TRPC4: variants seen among roughly 807,000 people sequenced by gnomAD.
TRPC4 encodes transient receptor potential cation channel subfamily C member 4, also known as short transient receptor potential channel 4.
A neutral mutation model predicts 99.4 loss-of-function variants in TRPC4; 49 were observed. The observed-to-expected ratio is 0.49, with a 90% confidence interval of 0.39 to 0.63. The LOEUF (loss-of-function observed/expected upper bound fraction) is 0.63, where lower values mean the gene tolerates loss of function less well. Ranked by LOEUF, TRPC4 falls within the 20% of genes least tolerant of loss-of-function variation. The pLI, the probability that TRPC4 is intolerant of heterozygous loss-of-function variation, is 0.00. For missense variants in TRPC4, 898 were observed against 1,152.9 expected (o/e 0.78, Z 3.20); for synonymous variants, 454 against 425.9 (o/e 1.07, Z -0.81).
At chr13:37,753,559 A>AAG (rs770462488) in intron 2 of TRPC4, among the ~76,000 whole-genome samples, 2 of 131,746 alleles carry the variant, frequency 1.5e-5, no homozygotes, top group Admixed American at 1.7e-4. Flanking sequence ...CAGAGAAAGA[A>AAG]AGAGAGAGAG....
At chr13:37,804,953 T>C (rs1388362238) in intron 1 of TRPC4, among the ~76,000 whole-genome samples, 1 of 152,140 alleles carries the variant, frequency 6.6e-6, no homozygotes, top group African/African-American at 2.4e-5. Context: ...GTTAATTATA[T>C]CTAATACTTA....
intron 4 of TRPC4, among the ~76,000 whole-genome samples, chr13:37,684,717 A>G (rs1676950541): frequency 1.3e-5 from 2 of 151,964 alleles, no homozygotes; most frequent in Non-Finnish European, 2.9e-5. Context: ...TCCACTTAAT[A>G]CAAACTTCTG....
intron 3 of TRPC4, among the ~76,000 whole-genome samples, chr13:37,712,681 T>C (rs1954524023): frequency 6.6e-6 from 1 of 152,114 alleles, no homozygotes; most frequent in Non-Finnish European, 1.5e-5. Flanking sequence ...ATTTCACTAA[T>C]GGATTGGCTT....
intron 3 of TRPC4, among the ~76,000 whole-genome samples, chr13:37,717,631 C>A (rs1437615611): frequency 6.6e-6 from 1 of 151,882 alleles, no homozygotes; most frequent in East Asian, 1.9e-4. Flanking sequence ...GAGGGAAGAC[C>A]AGGTGTAAAT....
chr13:37,707,476 C>T (rs1954322694), intron 3 of TRPC4, among the ~76,000 whole-genome samples: 1 of 152,136 alleles, frequency 6.6e-6, no homozygotes, highest in South Asian at 2.1e-4. Flanking sequence ...CTTTAAATGT[C>T]ACAGTCACAA....
chr13:37,655,883 C>T lies in TRPC4; in HGVS notation c.1689-600G>A, dbSNP rs184786472. Among the ~76,000 whole-genome samples the T allele has an allele frequency of 8.4e-3, 1,273 of 152,118 alleles. 13 individuals carry two copies. Among genetic ancestry groups the T allele is most frequent in the Non-Finnish European group, 0.011 (739 of 67,980 alleles). On this transcript the variant is annotated intron_variant, in intron 6 of 10. Transcript: ENST00000379705. ...AGTCATCACTAATAAATGATAGATC[C>T]CAAATTTTAGGCTTTAAAAAGTTTG...
At chr13:37,712,313 A>G (rs1288207723) in intron 3 of TRPC4, among the ~76,000 whole-genome samples, 2 of 152,070 alleles carry the variant, frequency 1.3e-5, no homozygotes, top group Non-Finnish European at 2.9e-5. Flanking sequence ...CCTCTCTCCC[A>G]CTTATAGAGC....
intron 3 of TRPC4, among the ~76,000 whole-genome samples, chr13:37,740,751 T>G (rs539148740): frequency 6.6e-6 from 1 of 152,246 alleles, no homozygotes; most frequent in Non-Finnish European, 1.5e-5. Context: ...GAACCAACAA[T>G]CTTGAGATTA....
intron 3 of TRPC4, among the ~76,000 whole-genome samples, chr13:37,696,231 C>T (rs955120050): frequency 5.9e-5 from 9 of 151,990 alleles, no homozygotes; most frequent in African/African-American, 1.9e-4. Flanking sequence ...AGACCTGCCC[C>T]CATGATTCAA....
intron 7 of TRPC4, among the ~76,000 whole-genome samples, chr13:37,653,751 GAAATTGGGAC>G (rs1349821076): frequency 2.0e-5 from 3 of 152,238 alleles, no homozygotes; most frequent in African/African-American, 7.2e-5. Flanking sequence ...TCTCCTTGAT[GAAATTGGGAC>G]ATTTAATGTT....
chr13:37,791,310 C>T (rs1194568873), intron 1 of TRPC4, among the ~76,000 whole-genome samples: 1 of 149,762 alleles, frequency 6.7e-6, no homozygotes, highest in African/African-American at 2.5e-5. Context: ...GCAGGAGAAT[C>T]GCTTGAACCT....
chr13:37,636,666 A>G lies in TRPC4; in HGVS notation c.*237T>C. On this transcript the variant is annotated 3_prime_UTR_variant, in exon 11 of 11. Coordinates refer to ENST00000379705, the MANE Select transcript of TRPC4 (RefSeq NM_016179.4). Reference sequence around the variant, plus strand: ...GCAACAGTACAAGAATACAAGGTGCATTTATTTATTAACAAAAACAATTGT... The same window carrying G: ...GCAACAGTACAAGAATACAAGGTGCGTTTATTTATTAACAAAAACAATTGT... 2.4e-6 allele frequency: 1 copy of G among 409,506 alleles called. No homozygotes were observed. The highest frequency in any genetic ancestry group is 4.3e-6 in the Non-Finnish European group (1 of 234,704). The allele number at this position is 409,506 out of a possible 1,614,324, so 25.4% of individuals were successfully genotyped here. A position where few individuals can be genotyped will look rare whatever the true frequency, so the allele number is the denominator to read the frequency against.
At chr13:37,638,368 T>C (rs868023746) in intron 10 of TRPC4, among the ~76,000 whole-genome samples, 40 of 152,294 alleles carry the variant, frequency 2.6e-4, no homozygotes, top group Non-Finnish European at 1.8e-4. Flanking sequence ...AATTTCTCTA[T>C]CTTCTTACCT....
At chr13:37,720,648 A>T (rs899843973) in intron 3 of TRPC4, among the ~76,000 whole-genome samples, 2 of 152,128 alleles carry the variant, frequency 1.3e-5, no homozygotes, top group African/African-American at 4.8e-5. Flanking sequence ...TGACAGATAC[A>T]CCTAAATATT....
intron 1 of TRPC4, among the ~76,000 whole-genome samples, chr13:37,825,383 C>A (rs1446297976): frequency 6.6e-6 from 1 of 151,024 alleles, no homozygotes; most frequent in East Asian, 2.0e-4. Context: ...AATTTTGGAT[C>A]TTTCCTGCTT....
intron 8 of TRPC4, among the ~76,000 whole-genome samples, chr13:37,647,226 C>CA (rs1372249609): frequency 6.6e-6 from 1 of 152,156 alleles, no homozygotes; most frequent in African/African-American, 2.4e-5. Context: ...GACATTTACT[C>CA]AAAGGCTGGG....
rs893137730 is a variant in TRPC4, at chr13:37,643,243, G to C, written c.2080-3944C>G. Among the ~76,000 whole-genome samples the C allele has an allele frequency of 2.0e-5, 3 of 152,078 alleles. No individual in the cohort carries two copies. In the East Asian group the frequency reaches 5.8e-4, roughly 29 times the overall value. ...CTCTTAACTTGTAGGGCTAATTTAA[G>C]GTATATTTATTAAATGACTACATGT... On this transcript the variant is annotated intron_variant, in intron 8 of 10. Coordinates refer to ENST00000379705, the MANE Select transcript of TRPC4 (RefSeq NM_016179.4).
intron 1 of TRPC4, among the ~76,000 whole-genome samples, chr13:37,828,044 G>A (rs746009487): frequency 3.4e-4 from 52 of 152,266 alleles, no homozygotes; most frequent in South Asian, 4.1e-4. Flanking sequence ...TCCAGGTGCC[G>A]TCCGTCACCC....
intron 2 of TRPC4, 82 bp downstream of exon 2, chr13:37,782,874 T>TAAA (rs754844763): frequency 1.9e-5 from 18 of 970,880 alleles, no homozygotes; most frequent in Admixed American, 8.7e-5. Flanking sequence ...TTTGAAAATC[T>TAAA]AAAAAAAAAA....
Sources: allele counts gnomAD v4.1 joint callset (sites outside exome capture counted in the v4.1 genomes callset), GRCh38; gene constraint gnomAD v4.1.1; transcripts MANE v1.5; gene names NCBI Gene and HGNC (gene_info 2026-07-23, HGNC 2026-07-21).